The following TTYH3 variants were observed in gnomAD, a reference collection of about 807,000 sequenced individuals.
TTYH3 encodes tweety family member 3.
Under a neutral mutation model 68.2 loss-of-function variants are expected in TTYH3, and 23 were observed. The ratio of observed to expected loss-of-function variants is 0.34; its 90% CI spans 0.24 to 0.48. The LOEUF is 0.48. Among genes scored for constraint, TTYH3 ranks in the 20% least tolerant of loss-of-function variants. The pLI, the probability that TTYH3 is intolerant of heterozygous loss-of-function variation, is 0.99. For missense variants in TTYH3, 768 were observed against 727.7 expected, an observed-to-expected ratio of 1.06 and a Z score of -0.64; for synonymous variants, 360 against 332.8, an observed-to-expected ratio of 1.08 and a Z score of -0.89.
chr7:2,652,800 G>A (rs80043551), intron 8 of TTYH3, 118 bp from the exon 9 acceptor site: 1 of 793,610 alleles, frequency 1.3e-6, no homozygotes, highest in Non-Finnish European at 2.1e-6. Context: ...GCAGAGCAGA[G>A]CCTTGATGGT....
intron 8 of TTYH3, 124 bp downstream of exon 8, chr7:2,652,366 G>A (rs536606632): frequency 1.2e-6 from 1 of 850,618 alleles, no homozygotes; most frequent in South Asian, 1.4e-5. Context: ...CTGGGGGAGG[G>A]AGCTGGACAA....
intron 13 of TTYH3, chr7:2,659,974 C>T (rs1251946500): frequency 2.6e-5 from 34 of 1,303,956 alleles, no homozygotes; most frequent in East Asian, 5.6e-5. Context: ...GGCAGCCACG[C>T]GGGCTGGCAG....
At chr7:2,650,244 C>T (rs1051504857) in intron 7 of TTYH3, among the ~76,000 whole-genome samples, 10 of 152,154 alleles carry the variant, frequency 6.6e-5, no homozygotes, top group South Asian at 2.1e-4. Flanking sequence ...AGGGCTGCTT[C>T]GAGTAGATGC....
chr7:2,634,316 C>T (rs893958931), intron 1 of TTYH3, among the ~76,000 whole-genome samples: 1 of 152,088 alleles, frequency 6.6e-6, no homozygotes. Context: ...GGCCGTGCCT[C>T]CTGTGTAGGG....
At chr7:2,649,791 C>G (rs949261080) in intron 6 of TTYH3, 122 bp from the exon 7 acceptor site, 6 of 1,422,814 alleles carry the variant, frequency 4.2e-6, no homozygotes, top group African/African-American at 1.4e-5. Context: ...CACCTGTAAC[C>G]CCAGATTCAC....
At chr7:2,649,847 AC>A (rs1401316573) in intron 6 of TTYH3, 65 bp from the exon 7 acceptor site, 30 of 1,575,834 alleles carry the variant, frequency 1.9e-5, no homozygotes, top group Admixed American at 5.0e-5. Context: ...GACGGGTTCT[AC>A]CCCCGAGAGC....
Position 2,661,750 on chromosome 7 carries a change from G to A in TTYH3, c.*11G>A, listed in dbSNP as rs1302905824. 6.2e-7 allele frequency: 1 copy of A among 1,607,724 alleles called. No homozygotes were observed. Among genetic ancestry groups the A allele is most frequent in the Non-Finnish European group, 8.5e-7 (1 of 1,178,418 alleles). ...AGCGGCAGCCACTAGACCGCGCCCG[G>A]CAGCCACCCACCCCACGTGCCAACT... On this transcript the variant is annotated 3_prime_UTR_variant, in exon 14 of 14. Transcript: ENST00000258796.
chr7:2,643,992 C>T (rs916596450), intron 1 of TTYH3, among the ~76,000 whole-genome samples: 2 of 152,122 alleles, frequency 1.3e-5, no homozygotes, highest in Non-Finnish European at 2.9e-5. Context: ...GAGGGTGACT[C>T]CAGCCAGGGA....
At chr7:2,648,322 T>G in intron 5 of TTYH3, 1 of 435,086 alleles carries the variant, frequency 2.3e-6, no homozygotes, top group Non-Finnish European at 4.1e-6. Context: ...GCCCAGGACC[T>G]GAAGCAACCT....
At chr7:2,633,489 G>A (rs1785579973) in intron 1 of TTYH3, among the ~76,000 whole-genome samples, 1 of 152,128 alleles carries the variant, frequency 6.6e-6, no homozygotes. Context: ...AAGGGGGCGA[G>A]GGATCGGCCC....
chr7:2,653,558 A>G (rs1020346052), intron 9 of TTYH3, among the ~76,000 whole-genome samples: 4 of 151,908 alleles, frequency 2.6e-5, no homozygotes, highest in African/African-American at 9.7e-5. Flanking sequence ...CTACATTACA[A>G]TATGTTAAAA....
intron 1 of TTYH3, among the ~76,000 whole-genome samples, chr7:2,638,986 A>C (rs1211851014): frequency 6.6e-6 from 1 of 152,030 alleles, no homozygotes; most frequent in Non-Finnish European, 1.5e-5. Context: ...TCTGGGCCCT[A>C]GGGATCCCGC....
At chr7:2,640,688 G>T (rs114283027) in intron 1 of TTYH3, among the ~76,000 whole-genome samples, 1 of 152,242 alleles carries the variant, frequency 6.6e-6, no homozygotes, top group Admixed American at 6.5e-5. Flanking sequence ...TGGGAGTCAC[G>T]TCCAGACAGG....
At chr7:2,632,381 A>T (rs1785546058) in intron 1 of TTYH3, 103 bp downstream of exon 1, 1 of 1,213,044 alleles carries the variant, frequency 8.2e-7, no homozygotes, top group Admixed American at 3.2e-5. Flanking sequence ...AAGACCCCTC[A>T]TCCCCCCCTC....
chr7:2,648,176 GC>G, intron 5 of TTYH3, 122 bp downstream of exon 5: 1 of 929,962 alleles, frequency 1.1e-6, no homozygotes, highest in Non-Finnish European at 1.6e-6. Context: ...TGGGGGCTGA[GC>G]GGGACCCCCC....
chr7:2,655,948 T>C (rs931990452), intron 9 of TTYH3, 144 bp from the exon 10 acceptor site: 76 of 652,436 alleles, frequency 1.2e-4, no homozygotes, highest in African/African-American at 1.6e-4. Context: ...CCTCAGGACC[T>C]GCACTGAGAC....
At chr7:2,651,315 G>A (rs968311104) in intron 7 of TTYH3, among the ~76,000 whole-genome samples, 1 of 152,152 alleles carries the variant, frequency 6.6e-6, no homozygotes, top group Non-Finnish European at 1.5e-5. Context: ...TTTTTTACCT[G>A]CCTTTGTTGA....
intron 1 of TTYH3, among the ~76,000 whole-genome samples, chr7:2,644,233 G>A (rs755838554): frequency 2.6e-5 from 4 of 152,204 alleles, no homozygotes; most frequent in Non-Finnish European, 1.5e-5. Flanking sequence ...GAGCTATAAG[G>A]AGGGTACTGG....
At chr7:2,640,471 T>C (rs2114976757) in intron 1 of TTYH3, among the ~76,000 whole-genome samples, 1 of 152,210 alleles carries the variant, frequency 6.6e-6, no homozygotes, top group East Asian at 1.9e-4. Flanking sequence ...GCATGCTTCC[T>C]CACACGCTGC....
Sources: allele counts gnomAD v4.1 joint callset (sites outside exome capture counted in the v4.1 genomes callset), GRCh38; gene constraint gnomAD v4.1.1; transcripts MANE v1.5; gene names NCBI Gene and HGNC (gene_info 2026-07-23, HGNC 2026-07-21).